The following DAB1 variants were observed in gnomAD, a reference collection of about 807,000 sequenced individuals.
DAB1 encodes DAB adaptor protein 1, also known as disabled homolog 1.
A neutral mutation model predicts 64.6 loss-of-function variants in DAB1; 15 were observed. That is an observed-to-expected ratio of 0.23 (90% CI 0.16 to 0.36). The LOEUF (loss-of-function observed/expected upper bound fraction) is 0.36, where lower values mean the gene tolerates loss of function less well. Ranked by LOEUF, DAB1 falls within the 10% of genes least tolerant of loss-of-function variation. The pLI, the probability that DAB1 is intolerant of heterozygous loss-of-function variation, is 1.00. For missense variants in DAB1, 596 were observed against 706.7 expected (o/e 0.84, Z 1.78); for synonymous variants, 235 against 251.9 (o/e 0.93, Z 0.64).
intron 3 of DAB1, among the ~76,000 whole-genome samples, chr1:58,349,452 AT>A (rs1193363196): frequency 7.2e-5 from 11 of 151,842 alleles, no homozygotes; most frequent in African/African-American, 2.2e-4. Flanking sequence ...TATTATTATT[AT>A]TATCATTATT....
chr1:57,273,087 C>G (rs1402370960), intron 2 of DAB1, among the ~76,000 whole-genome samples: 1 of 152,166 alleles, frequency 6.6e-6, no homozygotes, highest in African/African-American at 2.4e-5. Context: ...CACCTTTTAA[C>G]CCATCTTTGC....
intron 4 of DAB1, among the ~76,000 whole-genome samples, chr1:58,267,538 C>T (rs1661199792): frequency 6.6e-6 from 1 of 152,158 alleles, no homozygotes. Context: ...TTTACTTGGC[C>T]TACCTTGGGC....
At chr1:57,753,905 A>T (rs1379526361) in intron 6 of DAB1, among the ~76,000 whole-genome samples, 1 of 152,212 alleles carries the variant, frequency 6.6e-6, no homozygotes, top group East Asian at 1.9e-4. Context: ...GGCAAGTACA[A>T]CCACAAGTTA....
intron 4 of DAB1, among the ~76,000 whole-genome samples, chr1:57,108,780 T>C (rs961126076): frequency 6.6e-6 from 1 of 152,090 alleles, no homozygotes; most frequent in Non-Finnish European, 1.5e-5. Flanking sequence ...CTACAGTGAG[T>C]ATCTCCAACC....
At chr1:57,984,172 A>G (rs1232809510) in intron 5 of DAB1, among the ~76,000 whole-genome samples, 1 of 137,306 alleles carries the variant, frequency 7.3e-6, no homozygotes, top group African/African-American at 2.7e-5. Flanking sequence ...AGGGCCCAGG[A>G]CTAGCTTAAA....
chr1:58,524,231 T>G (rs1259574094), intron 2 of DAB1, among the ~76,000 whole-genome samples: 2 of 152,230 alleles, frequency 1.3e-5, no homozygotes, highest in African/African-American at 2.4e-5. Flanking sequence ...TTCATCTGCA[T>G]TAAAAACCTG....
chr1:57,284,936 A>C (rs189742819), intron 2 of DAB1, among the ~76,000 whole-genome samples: 6 of 152,350 alleles, frequency 3.9e-5, no homozygotes, highest in Middle Eastern at 3.4e-3. Context: ...TGTGACTTCA[A>C]ACCTGAGGCA....
Position 57,086,363 on chromosome 1 carries a change from A to G in DAB1, c.307-13949T>C, listed in dbSNP as rs143623813. ...TGAAGCATCGGGGAGGTTGGTTCAT[A>G]GGCGAACAGATGGTTACAAATAAAC... On this transcript the variant is annotated intron_variant, in intron 4 of 14. Transcript: ENST00000371236. Among the ~76,000 whole-genome samples the G allele has an allele frequency of 1.2e-4, 19 of 152,230 alleles. 1 individual carries two copies. In the East Asian group the frequency reaches 3.7e-3, roughly 29 times the overall value.
At chr1:58,248,970 T>C (rs1266797571) in intron 4 of DAB1, among the ~76,000 whole-genome samples, 1 of 151,978 alleles carries the variant, frequency 6.6e-6, no homozygotes, top group African/African-American at 2.4e-5. Flanking sequence ...GACACCAAAC[T>C]AAAATGCATT....
intron 6 of DAB1, among the ~76,000 whole-genome samples, chr1:57,789,331 A>C (rs1457877600): frequency 6.6e-6 from 1 of 152,144 alleles, no homozygotes; most frequent in Non-Finnish European, 1.5e-5. Flanking sequence ...AGATGGTAGG[A>C]AACAGAGGGT....
intron 6 of DAB1, among the ~76,000 whole-genome samples, chr1:57,781,506 A>G (rs1003797991): frequency 2.0e-5 from 3 of 152,036 alleles, no homozygotes; most frequent in African/African-American, 7.2e-5. Flanking sequence ...AATCTCTTAA[A>G]CCTTACAAAA....
At chr1:57,292,114 C>T (rs968036674) in intron 1 of DAB1, among the ~76,000 whole-genome samples, 5 of 152,140 alleles carry the variant, frequency 3.3e-5, no homozygotes, top group Non-Finnish European at 7.4e-5. Context: ...AATGGATCTT[C>T]GAATTGTGCA....
chr1:57,076,603 C>G (rs1652013872), intron 4 of DAB1, among the ~76,000 whole-genome samples: 1 of 152,180 alleles, frequency 6.6e-6, no homozygotes, highest in Non-Finnish European at 1.5e-5. Flanking sequence ...TCATTACTCT[C>G]CCTTTGAATT....
Position 58,448,567 on chromosome 1 carries a change from G to A in DAB1, n.257+57493C>T, listed in dbSNP as rs111234219. 2.1e-4 allele frequency among the ~76,000 whole-genome samples: 32 copies of A among 152,292 alleles called. No homozygotes were observed. In the East Asian group the frequency reaches 3.7e-3, roughly 17 times the overall value. ...CTGATTCTGTGTTCCAAGATGGGGG[G>A]CTGGCCCTGGTGTTGAGTTTGCAGG... On this transcript the variant is annotated intron_variant and non_coding_transcript_variant, in intron 3 of 20. Transcript: ENST00000485760.
In DAB1 at chr1:58,029,183, G is replaced by C. The variant is rs184535723; in HGVS notation, n.387+121328C>G. On this transcript the variant is annotated intron_variant and non_coding_transcript_variant, in intron 5 of 20. Transcript: ENST00000485760. Reference sequence around the variant, plus strand: ...CAAGTTAAAAATCAGACCTTGAGAGGTTAGTGTCTGGGTAGCCCTTATCCC... The same window carrying C: ...CAAGTTAAAAATCAGACCTTGAGAGCTTAGTGTCTGGGTAGCCCTTATCCC... 1.1e-4 allele frequency among the ~76,000 whole-genome samples: 16 copies of C among 152,304 alleles called. No homozygotes were observed. In the East Asian group the frequency reaches 3.1e-3, roughly 29 times the overall value.
At chr1:58,544,317 A>G (rs1421994953) in intron 1 of DAB1, among the ~76,000 whole-genome samples, 1 of 152,218 alleles carries the variant, frequency 6.6e-6, no homozygotes, top group African/African-American at 2.4e-5. Context: ...TAGGCACCAT[A>G]ATGGATGCTA....
rs140380091 is a variant in DAB1 at position 57,237,578 on chromosome 1, C to G, written c.67+53386G>C. On this transcript the variant is annotated intron_variant, in intron 2 of 14. Coordinates refer to ENST00000371236, the MANE Select transcript of DAB1 (RefSeq NM_001365792.1). ...AATATCCTGGACTACAAGAAATACT[C>G]TAAGCGAAAATACAATAACCTAACT... is the stretch of plus-strand genomic sequence containing the variant. Among the ~76,000 whole-genome samples, 270 of 152,314 alleles carry G rather than the reference C, an allele frequency of 1.8e-3. 2 individuals carry two copies. Among genetic ancestry groups the G allele is most frequent in the African/African-American group, 6.1e-3 (252 of 41,570 alleles).
intron 2 of DAB1, among the ~76,000 whole-genome samples, chr1:57,219,417 G>C (rs1666689136): frequency 6.6e-6 from 1 of 152,080 alleles, no homozygotes; most frequent in South Asian, 2.1e-4. Flanking sequence ...TTCAGGTTAG[G>C]CAAATTGGTG....
chr1:57,466,222 T>C (rs1686949502), intron 7 of DAB1, among the ~76,000 whole-genome samples: 1 of 152,186 alleles, frequency 6.6e-6, no homozygotes, highest in Non-Finnish European at 1.5e-5. Flanking sequence ...GTTCAGACCA[T>C]TAAACTATCT....
Sources: gnomAD v4.1 joint callset for allele counts (sites outside exome capture counted in the v4.1 genomes callset) on GRCh38, gnomAD v4.1.1 for gene constraint, MANE v1.5 for transcripts, NCBI Gene and HGNC (gene_info 2026-07-23, HGNC 2026-07-21) for gene names.